Variants in DPT observed in about 807,000 individuals in gnomAD.
DPT encodes the protein tyrosine-rich acidic matrix protein.
A neutral mutation model predicts 31.2 loss-of-function variants in DPT; 21 were observed. The ratio of observed to expected loss-of-function variants is 0.67; its 90% CI spans 0.48 to 0.97. DPT has a LOEUF of 0.97. DPT is among the 50% of genes least tolerant of loss of function. The pLI, the probability that DPT is intolerant of heterozygous loss-of-function variation, is 0.00. For missense variants in DPT, 262 were observed against 258.8 expected (o/e 1.01, Z -0.08); for synonymous variants, 91 against 86.9 (o/e 1.05, Z -0.26).
chr1:168,712,999 A>T (rs561376577), intron 2 of DPT, among the ~76,000 whole-genome samples: 1 of 152,050 alleles, frequency 6.6e-6, no homozygotes, highest in East Asian at 1.9e-4. Flanking sequence ...TATGAGAGGG[A>T]GGGGAGAAGG....
Position 168,728,944 on chromosome 1 carries a change from G to A in DPT, c.231C>T (p.Cys77=), listed in dbSNP as rs770727757. ...EGSDRQWNYA[C]MPTPQSLGEP... is the part of the protein sequence containing the mutation. ...CCCCGAGGCTCTGTGGCGTGGGCAT[G>A]CAGGCGTAGTTCCATTGTCTGTCAG... The change falls in exon 1 of 4, where the codon TGC becomes TGT. Residue 77 remains cysteine (C), a synonymous_variant. Transcript: ENST00000367817. 1.2e-6 allele frequency: 2 copies of A among 1,614,226 alleles called. No individual in the cohort carries two copies. Among genetic ancestry groups the A allele is most frequent in the Admixed American group, 1.7e-5 (1 of 60,030 alleles).
At chr1:168,705,055 T>A (rs996818662) in intron 2 of DPT, among the ~76,000 whole-genome samples, 2 of 152,162 alleles carry the variant, frequency 1.3e-5, no homozygotes, top group African/African-American at 4.8e-5. Flanking sequence ...AGAGATACAA[T>A]CTAGTTATAT....
chr1:168,724,550 C>T (rs1424955760), intron 1 of DPT, among the ~76,000 whole-genome samples: 1 of 152,140 alleles, frequency 6.6e-6, no homozygotes, highest in Non-Finnish European at 1.5e-5. Context: ...AAACAAGAAA[C>T]AAATGCCAAT....
chr1:168,727,539 CT>C (rs3076492), intron 1 of DPT, among the ~76,000 whole-genome samples: 29,009 of 127,828 alleles, frequency 0.23, 2,706 homozygotes, highest in African/African-American at 0.31. Context: ...TTTCTATTTT[CT>C]TTTTTTTTTT....
At chr1:168,714,079 G>A in intron 2 of DPT, 142 bp downstream of exon 2, 1 of 1,087,692 alleles carries the variant, frequency 9.2e-7, no homozygotes, top group South Asian at 1.6e-5. Flanking sequence ...ATCCTCCTAA[G>A]TCATTCATTC....
At chr1:168,724,419 T>C (rs1650191082) in intron 1 of DPT, among the ~76,000 whole-genome samples, 1 of 152,218 alleles carries the variant, frequency 6.6e-6, no homozygotes, top group South Asian at 2.1e-4. Flanking sequence ...TGATTTGGTC[T>C]TTCACTGCAT....
At chr1:168,696,639 T>C (rs761028529) in intron 3 of DPT, 24 bp from the exon 4 acceptor site, 1 of 1,605,342 alleles carries the variant, frequency 6.2e-7, no homozygotes, top group Non-Finnish European at 8.5e-7. Context: ...AGTCAGAAAA[T>C]GAATGTCAGT....
At chr1:168,711,853 T>G (rs1445823566) in intron 2 of DPT, among the ~76,000 whole-genome samples, 1 of 152,192 alleles carries the variant, frequency 6.6e-6, no homozygotes, top group East Asian at 1.9e-4. Context: ...CCTGAAGTCA[T>G]TCCTTCATCC....
At chr1:168,721,774 C>T (rs964774821) in intron 1 of DPT, among the ~76,000 whole-genome samples, 4 of 152,146 alleles carry the variant, frequency 2.6e-5, no homozygotes, top group South Asian at 4.1e-4. Context: ...AACACTGCAC[C>T]GTTTACTGCT....
At chr1:168,715,435 A>C (rs1484955766) in intron 1 of DPT, among the ~76,000 whole-genome samples, 1 of 151,506 alleles carries the variant, frequency 6.6e-6, no homozygotes, top group East Asian at 1.9e-4. Context: ...CACCACCCAC[A>C]AGACCATAAG....
At chr1:168,723,154 A>T (rs2101912337) in intron 1 of DPT, among the ~76,000 whole-genome samples, 1 of 152,340 alleles carries the variant, frequency 6.6e-6, no homozygotes, top group African/African-American at 2.4e-5. Context: ...AGTCATCCTT[A>T]GGTGGATTTG....
chr1:168,698,989 T>C (rs945366397), intron 3 of DPT, among the ~76,000 whole-genome samples: 30 of 152,206 alleles, frequency 2.0e-4, no homozygotes, highest in African/African-American at 6.3e-4. Flanking sequence ...ATACTCATTT[T>C]AAATTAATGC....
intron 2 of DPT, among the ~76,000 whole-genome samples, chr1:168,711,673 G>A (rs1410204579): frequency 1.3e-5 from 2 of 152,182 alleles, no homozygotes; most frequent in Non-Finnish European, 2.9e-5. Context: ...GGTTGTTCCT[G>A]GGCAGAGTTT....
chr1:168,715,474 T>G (rs1339177710), intron 1 of DPT, among the ~76,000 whole-genome samples: 1 of 152,226 alleles, frequency 6.6e-6, no homozygotes, highest in Non-Finnish European at 1.5e-5. Flanking sequence ...TTTCCACTGT[T>G]CTTGCTACTT....
At chr1:168,696,997 A>C (rs603259) in intron 3 of DPT, among the ~76,000 whole-genome samples, 93,370 of 152,016 alleles carry the variant, frequency 0.61, 29,866 homozygotes, top group African/African-American at 0.8. Context: ...CTTGGTAGCT[A>C]ACACCTGCAA....
chr1:168,706,533 A>G (rs1253814165), intron 2 of DPT, among the ~76,000 whole-genome samples: 4 of 152,220 alleles, frequency 2.6e-5, no homozygotes, highest in Admixed American at 6.5e-5. Flanking sequence ...ACAGAGAACA[A>G]TCCCCAGGCT....
intron 2 of DPT, among the ~76,000 whole-genome samples, chr1:168,712,874 A>G (rs889058417): frequency 6.6e-6 from 1 of 152,120 alleles, no homozygotes; most frequent in African/African-American, 2.4e-5. Context: ...TTAACATGCT[A>G]AGTGCATTTT....
rs1202277303 is a variant in DPT, at chr1:168,695,579, C to A, written c.*970G>T. 1 of 152,272 alleles carries A rather than the reference C, an allele frequency of 6.6e-6. No individual in the cohort carries two copies. Among genetic ancestry groups the A allele is most frequent in the Non-Finnish European group, 1.5e-5 (1 of 68,128 alleles). 9.4% of individuals were successfully genotyped at this position (152,272 alleles called of 1,614,324 possible). ...CCATCTCTGCAGAAGAACTCCTGAGCCACACACAGAAGGAAAGTTGATCCC... is the reference window on the plus strand; with the variant it reads ...CCATCTCTGCAGAAGAACTCCTGAGACACACACAGAAGGAAAGTTGATCCC... On this transcript the variant is annotated 3_prime_UTR_variant, in exon 4 of 4. Transcript: ENST00000367817.
chr1:168,700,580 G>A (rs1425190588), intron 3 of DPT, among the ~76,000 whole-genome samples: 1 of 152,090 alleles, frequency 6.6e-6, no homozygotes, highest in Non-Finnish European at 1.5e-5. Context: ...AAGCATATTT[G>A]CCTTCTCCTC....
Sources: allele counts gnomAD v4.1 joint callset (sites outside exome capture counted in the v4.1 genomes callset), GRCh38; gene constraint gnomAD v4.1.1; transcripts MANE v1.5; gene names NCBI Gene and HGNC (gene_info 2026-07-23, HGNC 2026-07-21).